Variants in COLGALT1 observed in about 807,000 individuals in gnomAD.
COLGALT1 encodes the protein collagen beta(1-O)galactosyltransferase 1.
A neutral mutation model predicts 60.8 loss-of-function variants in COLGALT1; 43 were observed. The ratio of observed to expected loss-of-function variants is 0.71; its 90% CI spans 0.55 to 0.91. The LOEUF (loss-of-function observed/expected upper bound fraction) is 0.91. Ranked by LOEUF, COLGALT1 falls within the 40% of genes least tolerant of loss-of-function variation. The probability of loss-of-function intolerance (pLI) is 0.00; values close to 1 mark genes in which losing one functional copy is unlikely to be tolerated. For missense variants in COLGALT1, 845 were observed against 880.0 expected, an observed-to-expected ratio of 0.96 and a Z score of 0.50; for synonymous variants, 369 against 374.2, an observed-to-expected ratio of 0.99 and a Z score of 0.16.
intron 4 of COLGALT1, among the ~76,000 whole-genome samples, chr19:17,567,942 T>C (rs1469053171): frequency 6.6e-6 from 1 of 151,904 alleles, no homozygotes; most frequent in Admixed American, 6.6e-5. Context: ...GAGTGAGACT[T>C]GGTCTCAAAA....
At chr19:17,568,811 C>G in intron 5 of COLGALT1, 98 bp downstream of exon 5, 1 of 1,219,692 alleles carries the variant, frequency 8.2e-7, no homozygotes, top group Non-Finnish European at 1.2e-6. Context: ...TCACAGAACC[C>G]AAACAATGCA....
intron 9 of COLGALT1, 114 bp downstream of exon 9, chr19:17,578,203 A>G: frequency 1.6e-6 from 2 of 1,249,264 alleles, no homozygotes; most frequent in Non-Finnish European, 2.1e-6. Context: ...ATCCAGCCTC[A>G]GCCATGGGAC....
intron 5 of COLGALT1, among the ~76,000 whole-genome samples, chr19:17,569,762 G>A (rs190136428): frequency 1.5e-3 from 230 of 151,980 alleles, no homozygotes; most frequent in African/African-American, 5.1e-3. Flanking sequence ...CTACAGTTGA[G>A]CATATATTAA....
In COLGALT1 at chr19:17,577,375, C is replaced by T. The variant is rs1340855896; in HGVS notation, c.1041C>T (p.Asn347=). The change falls in exon 8 of 12, where the codon AAC becomes AAT. Residue 347 remains asparagine, a synonymous_variant. Transcript: ENST00000252599. The stretch of plus-strand genomic sequence containing the variant: ...CCGGGCTGCAGGTCTTCATGATCAA[C>T]CTGAGGCGGCGGCAGGACCGGCGGG... ...KMGFDEVFMI[N]LRRRQDRRER... 6.3e-7 allele frequency: 1 copy of T among 1,597,746 alleles called. No homozygotes were observed. The highest frequency in any genetic ancestry group is 8.5e-7 in the Non-Finnish European group (1 of 1,174,284).
rs374956374 is a variant in COLGALT1 at position 17,580,895 on chromosome 19, A to G, written c.1591A>G (p.Lys531Glu). 25 of 1,613,352 alleles carry G rather than the reference A, an allele frequency of 1.5e-5. No individual in the cohort carries two copies. The highest frequency in any genetic ancestry group is 1.2e-4 in the Admixed American group (7 of 59,924). Residue 531 changes from lysine to glutamate, a missense_variant, in exon 11 of 12, where the codon AAA becomes GAA. Physicochemically the swap from Lys to Glu is moderately conservative, Grantham distance 56. Transcript: ENST00000252599. ...VDEFLPVMFD[K>E]HPVSEYKAHF... ...CGAGTTCCTGCCCGTCATGTTCGAC[A>G]AACACCCAGTGTGAGAGGGGCAGGC... is the stretch of plus-strand genomic sequence containing the variant.
intron 8 of COLGALT1, among the ~76,000 whole-genome samples, 166 bp from the exon 9 acceptor site, chr19:17,577,791 G>A (rs1717661169): frequency 6.6e-6 from 1 of 152,086 alleles, no homozygotes; most frequent in South Asian, 2.1e-4. Context: ...GCCCGCGAGT[G>A]TATACCATGT....
In COLGALT1 at chr19:17,559,288, C is replaced by T. The variant is rs1389594059; in HGVS notation, c.261-23C>T. ...TCCTGCCTCAGTCTCCCCAAGTACG[C>T]TGCCTGTCCCCTCTCCCTGCAGGGT... On this transcript the variant is annotated intron_variant, in intron 1 of 11. Coordinates refer to ENST00000252599, the MANE Select transcript of COLGALT1 (RefSeq NM_024656.4). 7 of 1,535,096 alleles carry T rather than the reference C, an allele frequency of 4.6e-6. No homozygotes were observed. The Admixed American group carries it at 1.4e-4, about 30-fold the overall frequency.
At chr19:17,577,338 G>T (rs1396405799) in intron 7 of COLGALT1, 23 bp from the exon 8 acceptor site, 2 of 1,606,548 alleles carry the variant, frequency 1.2e-6, no homozygotes, top group African/African-American at 2.7e-5. Flanking sequence ...GGCTGATCTG[G>T]CTGGGGACTC....
At chr19:17,563,773 T>C (rs73509103) in intron 3 of COLGALT1, among the ~76,000 whole-genome samples, 1,943 of 152,234 alleles carry the variant, frequency 0.013, 36 homozygotes, top group African/African-American at 0.045. Flanking sequence ...GGATTACCGG[T>C]GTGAGCCACT....
intron 6 of COLGALT1, chr19:17,576,949 T>C (rs1165801041): frequency 1.3e-5 from 7 of 543,092 alleles, no homozygotes. Context: ...TGGCCAGGGC[T>C]GAGAGGCAGG....
At position 17,568,497 on chromosome 19, in the gene COLGALT1, C is replaced by G. The variant is rs1485728209; in HGVS notation, c.625-12C>G. On this transcript the variant is annotated splice_polypyrimidine_tract_variant and intron_variant, in intron 4 of 11. Coordinates refer to ENST00000252599, the MANE Select transcript of COLGALT1 (RefSeq NM_024656.4). ...AAGACCCCTACGCGGAACTCTCGCTCTCTCCCCACAGGGCTACTACAAGCG... is the reference window on the plus strand; with the variant it reads ...AAGACCCCTACGCGGAACTCTCGCTGTCTCCCCACAGGGCTACTACAAGCG... The G allele has an allele frequency of 6.2e-7, 1 of 1,612,064 alleles. No individual in the cohort carries two copies. The highest frequency in any genetic ancestry group is 1.3e-5 in the African/African-American group (1 of 74,864).
intron 3 of COLGALT1, among the ~76,000 whole-genome samples, chr19:17,564,970 A>G (rs1321758656): frequency 6.6e-6 from 1 of 151,986 alleles, no homozygotes; most frequent in Non-Finnish European, 1.5e-5. Context: ...GGAATGTCAC[A>G]CTATATGGCG....
At chr19:17,576,583 A>G (rs895703421) in intron 6 of COLGALT1, among the ~76,000 whole-genome samples, 2 of 109,046 alleles carry the variant, frequency 1.8e-5, no homozygotes, top group Admixed American at 1.0e-4. Context: ...CGGGGCTGGG[A>G]GCAGGGTGAA....
chr19:17,572,532 G>A lies in COLGALT1; in HGVS notation c.879G>A (p.Val293=). ...AGGAGGAGTACGGATTCTTGCCAGTGCCATTGCGCGCCCACAGCACCCTCC... is the reference window on the plus strand; with the variant it reads ...AGGAGGAGTACGGATTCTTGCCAGTACCATTGCGCGCCCACAGCACCCTCC... ...CNKEEYGFLP[V]PLRAHSTLQD... The change falls in exon 6 of 12, where the codon GTG becomes GTA. Residue 293 remains valine (V), a synonymous_variant. Coordinates refer to ENST00000252599, the MANE Select transcript of COLGALT1 (RefSeq NM_024656.4). The A allele has an allele frequency of 6.2e-7, 1 of 1,614,158 alleles. No homozygotes were observed. The highest frequency in any genetic ancestry group is 8.5e-7 in the Non-Finnish European group (1 of 1,180,022).
chr19:17,569,981 G>A (rs1294913842), intron 5 of COLGALT1, among the ~76,000 whole-genome samples: 5 of 137,408 alleles, frequency 3.6e-5, no homozygotes, highest in East Asian at 2.3e-4. Flanking sequence ...TGTAAGCTCC[G>A]CCTCCTGGGT....
chr19:17,580,709 C>T lies in COLGALT1; in HGVS notation c.1405C>T (p.Arg469Trp), dbSNP rs372205260. The part of the protein sequence containing the change: ...GLDWDLIYVG[R>W]KRMQVEHPEK... ...GATCTTGCACCCCAGCTATGTGGGC[C>T]GGAAGCGGATGCAGGTGGAGCACCC... The change falls in exon 11 of 12, where the codon CGG becomes TGG. Residue 469 changes from arginine (R) to tryptophan (W), a missense_variant. By Grantham distance (101) the Arg-to-Trp change is moderately radical. Transcript: ENST00000252599. The T allele has an allele frequency of 1.9e-5, 30 of 1,613,804 alleles. No homozygotes were observed. Among genetic ancestry groups the T allele is most frequent in the Non-Finnish European group, 2.3e-5 (27 of 1,180,030 alleles).
At chr19:17,566,142 A>C (rs2076278525) in intron 3 of COLGALT1, 1 of 152,148 alleles carries the variant, frequency 6.6e-6, no homozygotes, top group Non-Finnish European at 1.5e-5. Context: ...AGGCAGGCGT[A>C]TCACTTGAAA....
chr19:17,563,919 TG>T (rs2076264322), intron 3 of COLGALT1, among the ~76,000 whole-genome samples: 1 of 152,058 alleles, frequency 6.6e-6, no homozygotes, highest in African/African-American at 2.4e-5. Flanking sequence ...AAGCTATGGA[TG>T]TTACTTGCAG....
chr19:17,573,327 A>C (rs1395446074), intron 6 of COLGALT1, among the ~76,000 whole-genome samples: 1 of 152,024 alleles, frequency 6.6e-6, no homozygotes, highest in African/African-American at 2.4e-5. Flanking sequence ...AAAGATGGAG[A>C]CCATACTGAC....
Sources: gnomAD v4.1 joint callset for allele counts (sites outside exome capture counted in the v4.1 genomes callset) on GRCh38, gnomAD v4.1.1 for gene constraint, MANE v1.5 for transcripts, NCBI Gene and HGNC (gene_info 2026-07-23, HGNC 2026-07-21) for gene names.